The following NBEA variants were observed in gnomAD, a reference collection of about 807,000 sequenced individuals.
NBEA encodes the protein lysosomal-trafficking regulator 2.
Under a neutral mutation model 343.4 loss-of-function variants are expected in NBEA, and 44 were observed. The observed-to-expected ratio is 0.13, with a 90% CI of 0.10 to 0.16. The LOEUF (loss-of-function observed/expected upper bound fraction) is 0.16, where lower values mean the gene tolerates loss of function less well. NBEA is among the 10% of genes least tolerant of loss of function. The pLI is 1.00. For synonymous variants in NBEA, 1,175 were observed against 1,238.7 expected, an observed-to-expected ratio of 0.95 and a Z score of 1.08; for missense variants, 2,555 against 3,631.3, an observed-to-expected ratio of 0.70 and a Z score of 7.62.
intron 8 of NBEA, among the ~76,000 whole-genome samples, chr13:35,067,560 T>A (rs1293095202): frequency 6.6e-6 from 1 of 152,090 alleles, no homozygotes; most frequent in Non-Finnish European, 1.5e-5. Context: ...AGAACATTTC[T>A]ATCACCCCAG....
intron 31 of NBEA, among the ~76,000 whole-genome samples, chr13:35,196,689 A>G (rs1033242260): frequency 6.6e-6 from 1 of 152,106 alleles, no homozygotes; most frequent in Non-Finnish European, 1.5e-5. Flanking sequence ...CCATTATAAT[A>G]TTATAAAATA....
intron 36 of NBEA, among the ~76,000 whole-genome samples, chr13:35,343,846 A>T (rs760683052): frequency 1.3e-5 from 2 of 152,132 alleles, no homozygotes; most frequent in Non-Finnish European, 2.9e-5. Context: ...ATTCTACATT[A>T]TGGTGAGTTG....
intron 1 of NBEA, among the ~76,000 whole-genome samples, chr13:35,024,396 G>T (rs113594359): frequency 5.9e-5 from 9 of 152,130 alleles, no homozygotes; most frequent in African/African-American, 2.2e-4. Context: ...TTTGGGCCCG[G>T]CGTGGTGGCT....
Position 35,056,049 on chromosome 13 carries a change from A to G in NBEA, c.1012A>G (p.Arg338Gly). 1 of 1,606,292 alleles carries G rather than the reference A, an allele frequency of 6.2e-7. No homozygotes were observed. The highest frequency in any genetic ancestry group is 1.1e-5 in the South Asian group (1 of 89,486). The part of the protein sequence containing the change: ...ISIVHIYNRW[R>G]NSEIRCYVNG... ...CATTGTCCACATTTACAATCGATGG[A>G]GGAACAGTGAAATTCGGTGTTATGT... Residue 338 changes from arginine to glycine, a missense_variant, in exon 7 of 59, where the codon AGG becomes GGG. Physicochemically the swap from Arg to Gly is moderately radical, Grantham distance 125. This residue lies in a region of NBEA where 75 missense variants were observed against 237.4 expected (regional missense o/e 0.32). Transcript: ENST00000379939.
intron 31 of NBEA, among the ~76,000 whole-genome samples, chr13:35,199,882 T>C (rs2072896089): frequency 6.6e-6 from 1 of 152,140 alleles, no homozygotes; most frequent in Non-Finnish European, 1.5e-5. Context: ...GTACTGATTC[T>C]TTTTCTATTT....
At chr13:35,422,508 A>G (rs2044356898) in intron 38 of NBEA, among the ~76,000 whole-genome samples, 1 of 152,062 alleles carries the variant, frequency 6.6e-6, no homozygotes, top group African/African-American at 2.4e-5. Flanking sequence ...ATAGTATTCC[A>G]TGGTGTATAT....
intron 39 of NBEA, among the ~76,000 whole-genome samples, chr13:35,436,423 T>C (rs1209608667): frequency 6.6e-6 from 1 of 152,152 alleles, no homozygotes; most frequent in African/African-American, 2.4e-5. Context: ...TAAATTCTAC[T>C]GTGAAGGCCG....
intron 40 of NBEA, among the ~76,000 whole-genome samples, chr13:35,466,185 T>C (rs933689032): frequency 6.6e-6 from 1 of 152,160 alleles, no homozygotes; most frequent in Non-Finnish European, 1.5e-5. Context: ...ACAATAATAA[T>C]CTAAGGAAAC....
At position 35,070,802 on chromosome 13, in the gene NBEA, C is replaced by G. The variant is rs2063836150; in HGVS notation, c.1521C>G (p.Ala507=). 6.2e-7 allele frequency: 1 copy of G among 1,609,798 alleles called. No homozygotes were observed. The highest frequency in any genetic ancestry group is 8.5e-7 in the Non-Finnish European group (1 of 1,178,618). ...GGIQVLFPLF[A]QLDNRQLNDS... ...TTCAAGTGCTTTTTCCACTTTTTGCCCAATTGGATAATAGGCAGCTCAATG... is the reference window on the plus strand; with the variant it reads ...TTCAAGTGCTTTTTCCACTTTTTGCGCAATTGGATAATAGGCAGCTCAATG... Residue 507 remains alanine, a synonymous_variant, in exon 10 of 59, where the codon GCC becomes GCG. Transcript: ENST00000379939.
intron 17 of NBEA, among the ~76,000 whole-genome samples, chr13:35,126,437 C>T (rs2067136747): frequency 2.0e-5 from 3 of 151,718 alleles, no homozygotes; most frequent in East Asian, 1.9e-4. Flanking sequence ...TGGACAAATA[C>T]TGGAAGAAAA....
chr13:35,056,724 T>C (rs1270046229), intron 7 of NBEA, among the ~76,000 whole-genome samples: 3 of 152,134 alleles, frequency 2.0e-5, no homozygotes, highest in East Asian at 3.9e-4. Flanking sequence ...CAAAATAATA[T>C]TAAGAGATGA....
intron 39 of NBEA, among the ~76,000 whole-genome samples, chr13:35,442,416 TC>T (rs2045789646): frequency 6.6e-6 from 1 of 152,144 alleles, no homozygotes; most frequent in Non-Finnish European, 1.5e-5. Context: ...TCATGGCTAA[TC>T]AAAATCCTGT....
At chr13:35,445,385 C>A (rs555887468) in intron 39 of NBEA, among the ~76,000 whole-genome samples, 1 of 152,048 alleles carries the variant, frequency 6.6e-6, no homozygotes, top group East Asian at 1.9e-4. Context: ...TTTCCATTGT[C>A]TCATTTTAAC....
chr13:35,011,087 G>A (rs2061481780), intron 1 of NBEA, among the ~76,000 whole-genome samples: 1 of 151,870 alleles, frequency 6.6e-6, no homozygotes, highest in South Asian at 2.1e-4. Context: ...GAATGTAGAG[G>A]GCAGAGGACA....
At chr13:35,053,727 A>T (rs2063146451) in intron 6 of NBEA, among the ~76,000 whole-genome samples, 1 of 152,110 alleles carries the variant, frequency 6.6e-6, no homozygotes, top group Non-Finnish European at 1.5e-5. Context: ...AACAAACCTC[A>T]TCATGGGACA....
intron 34 of NBEA, among the ~76,000 whole-genome samples, chr13:35,245,489 A>C (rs2031048006): frequency 6.6e-6 from 1 of 152,060 alleles, no homozygotes; most frequent in South Asian, 2.1e-4. Flanking sequence ...GGTAGTAGAG[A>C]ATTCTCTCAG....
intron 47 of NBEA, among the ~76,000 whole-genome samples, chr13:35,605,777 A>G (rs1442200337): frequency 6.6e-6 from 1 of 152,184 alleles, no homozygotes; most frequent in African/African-American, 2.4e-5. Context: ...CATACAAGTA[A>G]CACAAGTTGT....
chr13:35,667,607 C>G, intron 57 of NBEA, 37 bp downstream of exon 57: 2 of 1,531,776 alleles, frequency 1.3e-6, no homozygotes, highest in Non-Finnish European at 1.8e-6. Context: ...AGGACTGAAG[C>G]CAAGAGATTA....
intron 1 of NBEA, among the ~76,000 whole-genome samples, chr13:34,969,692 C>G (rs996196427): frequency 5.3e-5 from 8 of 151,890 alleles, no homozygotes; most frequent in African/African-American, 1.9e-4. Context: ...TGGCCTCCAG[C>G]TCCATCTATG....
Sources: gnomAD v4.1 joint callset for allele counts (sites outside exome capture counted in the v4.1 genomes callset) on GRCh38, gnomAD v4.1.1 for gene constraint, gnomAD v4.1.1 regional missense constraint, MANE v1.5 for transcripts, NCBI Gene and HGNC (gene_info 2026-07-23, HGNC 2026-07-21) for gene names.